The following STK32A variants were observed in gnomAD, a reference collection of about 807,000 sequenced individuals.
The protein encoded by STK32A is serine/threonine-protein kinase 32A.
In STK32A, 41 loss-of-function variants were observed where a neutral mutation model predicts 53.2. That is an observed-to-expected ratio of 0.77 (90% CI 0.60 to 1.00). The LOEUF is 1.00. Ranked by LOEUF, STK32A falls within the 50% of genes least tolerant of loss-of-function variation. STK32A has a pLI of 0.00. For missense variants in STK32A, 458 were observed against 485.8 expected (o/e 0.94, Z 0.54); for synonymous variants, 166 against 162.8 (o/e 1.02, Z -0.15).
At chr5:147,377,474 GT>G (rs1220675767) in intron 11 of STK32A, among the ~76,000 whole-genome samples, 3 of 152,002 alleles carry the variant, frequency 2.0e-5, no homozygotes, top group African/African-American at 7.2e-5. Flanking sequence ...CTGTTTCTTT[GT>G]GTGCCTTGTG....
At chr5:147,348,934 G>A (rs1332996617) in intron 6 of STK32A, 6 of 506,116 alleles carry the variant, frequency 1.2e-5, no homozygotes, top group East Asian at 3.5e-5. Flanking sequence ...GATAAGTGAC[G>A]TTTTCAAGGT....
At chr5:147,311,747 C>T (rs546266611) in intron 4 of STK32A, among the ~76,000 whole-genome samples, 1 of 152,158 alleles carries the variant, frequency 6.6e-6, no homozygotes, top group Admixed American at 6.5e-5. Flanking sequence ...AAAACAGAAG[C>T]CAACAAACAA....
At chr5:147,352,703 T>G (rs1054107004) in intron 7 of STK32A, among the ~76,000 whole-genome samples, 2 of 152,228 alleles carry the variant, frequency 1.3e-5, no homozygotes, top group African/African-American at 4.8e-5. Context: ...ATTAGATATC[T>G]GTGTAGTTAC....
chr5:147,390,449 A>T (rs1437350496), downstream of STK32A, among the ~76,000 whole-genome samples: 4 of 150,844 alleles, frequency 2.7e-5, no homozygotes, highest in South Asian at 8.3e-4. Context: ...TTCCAAAACA[A>T]TCAAATAGCA....
In STK32A at chr5:147,250,310, G is replaced by T. The variant is rs367735051; in HGVS notation, c.52+10624G>T. Among the ~76,000 whole-genome samples the T allele has an allele frequency of 2.2e-4, 33 of 152,256 alleles. No individual in the cohort carries two copies. In the East Asian group the frequency reaches 2.3e-3, roughly 11 times the overall value. On this transcript the variant is annotated intron_variant, in intron 2 of 12. Transcript: ENST00000397936. ...GCAATGAGTGGAAACATCTGGGATG[G>T]AGACAGAAAGACACGGGTATTAATT...
At chr5:147,291,443 T>C (rs1252553761) in intron 4 of STK32A, among the ~76,000 whole-genome samples, 49 of 152,198 alleles carry the variant, frequency 3.2e-4, no homozygotes, top group Non-Finnish European at 1.5e-5. Context: ...CTACTGTTGC[T>C]TGTGGGATCA....
chr5:147,399,478 C>A, the STK32A span, among the ~76,000 whole-genome samples: 1 of 141,226 alleles, frequency 7.1e-6, no homozygotes, highest in Non-Finnish European at 1.6e-5. Flanking sequence ...GAAGTTACTG[C>A]CCCTGAAGTA....
chr5:147,355,781 AGTGT>A (rs777589536), intron 7 of STK32A, among the ~76,000 whole-genome samples: 14 of 100,226 alleles, frequency 1.4e-4, no homozygotes, highest in Non-Finnish European at 2.5e-4. Context: ...TATGTGTGTG[AGTGT>A]GTGTGTGTAT....
In STK32A at chr5:147,384,142, C is replaced by T. The variant is rs561180325; in HGVS notation, c.*159C>T. 1.4e-6 allele frequency: 2 copies of T among 1,466,204 alleles called. No individual in the cohort carries two copies. The highest frequency in any genetic ancestry group is 2.9e-5 in the African/African-American group (2 of 68,796). 90.8% of individuals were successfully genotyped at this position (1,466,204 alleles called of 1,614,324 possible). A position where few individuals can be genotyped will look rare whatever the true frequency, so the allele number is the denominator to read the frequency against. On this transcript the variant is annotated 3_prime_UTR_variant, in exon 13 of 13. Coordinates refer to ENST00000397936, the MANE Select transcript of STK32A (RefSeq NM_001112724.2). The stretch of plus-strand genomic sequence containing the variant: ...AGGCAGCACAACACAGTGAAGGGTC[C>T]TGGGCCTGAGCTCCTGGGATGTCAT...
chr5:147,307,631 A>G (rs899758343), intron 4 of STK32A, among the ~76,000 whole-genome samples: 1 of 151,236 alleles, frequency 6.6e-6, no homozygotes, highest in Non-Finnish European at 1.5e-5. Context: ...TCTCAAAAAA[A>G]AAAAAAAAAA....
At chr5:147,296,551 G>C (rs1029976751) in intron 4 of STK32A, among the ~76,000 whole-genome samples, 2 of 152,074 alleles carry the variant, frequency 1.3e-5, no homozygotes, top group African/African-American at 4.8e-5. Context: ...ACTGTTCCTA[G>C]AGGAAGGTCA....
intron 5 of STK32A, among the ~76,000 whole-genome samples, chr5:147,326,326 C>T (rs530875062): frequency 1.3e-5 from 2 of 152,262 alleles, no homozygotes; most frequent in South Asian, 4.1e-4. Flanking sequence ...GAAATGTCTC[C>T]TCACCATGGT....
intron 4 of STK32A, among the ~76,000 whole-genome samples, chr5:147,308,530 C>G (rs1470974942): frequency 6.6e-6 from 1 of 152,008 alleles, no homozygotes; most frequent in East Asian, 1.9e-4. Context: ...CTTGCCTTTT[C>G]TTTCCATGCA....
chr5:147,301,825 A>C (rs1753151628), intron 4 of STK32A, among the ~76,000 whole-genome samples: 1 of 152,290 alleles, frequency 6.6e-6, no homozygotes, highest in Admixed American at 6.5e-5. Context: ...TTTCTTCCAG[A>C]GCCTCCAGGT....
At chr5:147,374,149 G>A (rs1486359374) in intron 10 of STK32A, among the ~76,000 whole-genome samples, 4 of 151,956 alleles carry the variant, frequency 2.6e-5, no homozygotes, top group South Asian at 2.1e-4. Context: ...TTAGGCAGGC[G>A]TGGTGGTACT....
At chr5:147,308,141 TATATA>T (rs1753510994) in intron 4 of STK32A, among the ~76,000 whole-genome samples, 1 of 19,058 alleles carries the variant, frequency 5.2e-5, no homozygotes, top group Admixed American at 3.4e-4. Flanking sequence ...ATACATTTTA[TATATA>T]TATATATATA....
At chr5:147,248,760 C>T (rs374136147) in intron 2 of STK32A, among the ~76,000 whole-genome samples, 1 of 152,062 alleles carries the variant, frequency 6.6e-6, no homozygotes, top group African/African-American at 2.4e-5. Flanking sequence ...TCCTGGGGCA[C>T]GTGTTTTATA....
In STK32A at chr5:147,285,245, G is replaced by A. The variant is rs191756328; in HGVS notation, c.260+5847G>A. On this transcript the variant is annotated intron_variant, in intron 4 of 12. Transcript: ENST00000397936. ...CAAATGGTGCTGGGATAATTGAATA[G>A]CCACAAGTAGGAGAATGAAACTGGA... Among the ~76,000 whole-genome samples the A allele has an allele frequency of 3.8e-3, 571 of 152,264 alleles. 2 individuals carry two copies. Among genetic ancestry groups the A allele is most frequent in the African/African-American group, 8.0e-3 (332 of 41,554 alleles).
At chr5:147,399,666 T>A in the STK32A span, among the ~76,000 whole-genome samples, 4 of 152,232 alleles carry the variant, frequency 2.6e-5, no homozygotes, top group Non-Finnish European at 5.9e-5. Context: ...CTTACCCAAA[T>A]GATAACAATG....
Sources: allele counts gnomAD v4.1 joint callset (sites outside exome capture counted in the v4.1 genomes callset), GRCh38; gene constraint gnomAD v4.1.1; transcripts MANE v1.5; gene names NCBI Gene and HGNC (gene_info 2026-07-23, HGNC 2026-07-21).